P2RX7: variants seen among roughly 807,000 people sequenced by gnomAD.
P2RX7 encodes the protein purinergic receptor P2X 7, also known as P2X purinoceptor 7.
P2RX7 carries 62 observed loss-of-function variants against 71.6 expected under a neutral mutation model. The observed-to-expected ratio is 0.87, with a 90% CI of 0.71 to 1.07. P2RX7 has a LOEUF of 1.07. Among genes scored for constraint, P2RX7 ranks in the 50% least tolerant of loss-of-function variants. The pLI, the probability that P2RX7 is intolerant of heterozygous loss-of-function variation, is 0.00. For missense variants in P2RX7, 686 were observed against 748.5 expected, an observed-to-expected ratio of 0.92 and a Z score of 0.97; for synonymous variants, 299 against 283.3, an observed-to-expected ratio of 1.06 and a Z score of -0.56.
At chr12:121,142,051 G>C (rs567415651) in intron 1 of P2RX7, among the ~76,000 whole-genome samples, 1 of 152,246 alleles carries the variant, frequency 6.6e-6, no homozygotes, top group East Asian at 1.9e-4. Context: ...CATACAATAG[G>C]GGATCCCCTT....
Position 121,174,344 on chromosome 12 carries a change from G to A in P2RX7, c.882-1044G>A, listed in dbSNP as rs181055035. The stretch of plus-strand genomic sequence containing the variant: ...ATTACAGGTGTGAGCCACGGTGCCC[G>A]ACCAAAAAATTTAAAAATAAAAATT... On this transcript the variant is annotated intron_variant, in intron 8 of 12. Transcript: ENST00000328963. Among the ~76,000 whole-genome samples the A allele has an allele frequency of 4.6e-3, 693 of 151,914 alleles. 8 individuals carry two copies. Among genetic ancestry groups the A allele is most frequent in the African/African-American group, 0.016 (651 of 41,444 alleles).
At chr12:121,165,327 TAATG>T (rs1162468238) in intron 5 of P2RX7, 26 bp from the exon 6 acceptor site, 1 of 1,591,044 alleles carries the variant, frequency 6.3e-7, no homozygotes, top group Middle Eastern at 1.7e-4. Flanking sequence ...CCCCCGTCAC[TAATG>T]GCCATTTTGC....
At chr12:121,148,730 C>T (rs1372474238) in intron 1 of P2RX7, among the ~76,000 whole-genome samples, 1 of 152,202 alleles carries the variant, frequency 6.6e-6, no homozygotes, top group African/African-American at 2.4e-5. Context: ...CTTCTCAGAG[C>T]ATCTCTTGGG....
chr12:121,152,395 C>T (rs1877637821), intron 1 of P2RX7, among the ~76,000 whole-genome samples: 1 of 152,164 alleles, frequency 6.6e-6, no homozygotes, highest in East Asian at 1.9e-4. Context: ...GGGGTGCAAT[C>T]ACAGCTTACT....
intron 8 of P2RX7, among the ~76,000 whole-genome samples, chr12:121,175,087 A>G (rs1882841030): frequency 6.6e-6 from 1 of 152,084 alleles, no homozygotes; most frequent in Non-Finnish European, 1.5e-5. Context: ...AGGCAGGCAA[A>G]TCACTTGAGC....
In P2RX7 at chr12:121,160,911, C is replaced by G; in HGVS notation, c.373C>G (p.Arg125Gly). 6.2e-7 allele frequency: 1 copy of G among 1,613,414 alleles called. No homozygotes were observed. Among genetic ancestry groups the G allele is most frequent in the South Asian group, 1.1e-5 (1 of 91,078 alleles). The part of the protein sequence containing the change: ...EQRLCPEYPT[R>G]RTLCSSDRGC... ...ATCCTTCTATCTGCAGTATCCCACC[C>G]GCAGGACGCTCTGTTCCTCTGACCG... The change falls in exon 4 of 13, where the codon CGC becomes GGC. Residue 125 changes from arginine to glycine, a missense_variant. Coordinates refer to ENST00000328963, the MANE Select transcript of P2RX7 (RefSeq NM_002562.6).
chr12:121,179,022 T>C (rs1288495693), intron 11 of P2RX7, among the ~76,000 whole-genome samples: 7 of 152,104 alleles, frequency 4.6e-5, no homozygotes, highest in Non-Finnish European at 7.3e-5. Context: ...GGTGTATATA[T>C]GTACACAAAA....
Position 121,165,355 on chromosome 12 carries a change from A to G in P2RX7, c.534-2A>G, listed in dbSNP as rs778911840. 1.9e-6 allele frequency: 3 copies of G among 1,613,720 alleles called. No individual in the cohort carries two copies. The highest frequency in any genetic ancestry group is 2.5e-6 in the Non-Finnish European group (3 of 1,179,692). On this transcript the variant is annotated splice_acceptor_variant, in intron 5 of 12. Transcript: ENST00000328963. LOFTEE classifies it high-confidence loss of function. Reference sequence around the variant, plus strand: ...TGGCCATTTTGCATGTCTCTCTCCCAGGCCTGCTCTCTTGAACAGTGCCGA... The same window carrying G: ...TGGCCATTTTGCATGTCTCTCTCCCGGGCCTGCTCTCTTGAACAGTGCCGA...
At chr12:121,162,638 G>A (rs909399831) in intron 5 of P2RX7, 118 bp downstream of exon 5, 15 of 1,226,916 alleles carry the variant, frequency 1.2e-5, no homozygotes, top group Non-Finnish European at 1.6e-5. Context: ...GGTCCTACCG[G>A]CTTGGGGACC....
At chr12:121,159,245 C>T (rs1378187509) in intron 3 of P2RX7, among the ~76,000 whole-genome samples, 2 of 151,750 alleles carry the variant, frequency 1.3e-5, no homozygotes, top group Admixed American at 6.6e-5. Flanking sequence ...GGGGAAACAC[C>T]GTCTCTACTA....
chr12:121,167,636 GC>G lies in P2RX7; in HGVS notation c.881+15del, dbSNP rs1178048519. The G allele has an allele frequency of 6.5e-7, 1 of 1,534,742 alleles. No individual in the cohort carries two copies. Among genetic ancestry groups the G allele is most frequent in the Non-Finnish European group, 8.8e-7 (1 of 1,138,450 alleles). On this transcript the variant is annotated intron_variant, in intron 8 of 12. Coordinates refer to ENST00000328963, the MANE Select transcript of P2RX7 (RefSeq NM_002562.6). Reference sequence around the variant, plus strand: ...GGCTACAACTTCAGGTAACTCCAAGGCCCAGGTCAAACTCACCCAGTGGCTG... The same window carrying G: ...GGCTACAACTTCAGGTAACTCCAAGGCCAGGTCAAACTCACCCAGTGGCTG...
rs372563892 is a variant in P2RX7, at chr12:121,148,568, C to T, written c.126-6217C>T. On this transcript the variant is annotated intron_variant, in intron 1 of 12. Transcript: ENST00000328963. ...AACCCTTGATTTTTACCCTGTTTGA[C>T]TGACTTTAGGAGTCTGACCCCCAAA... Among the ~76,000 whole-genome samples, 45 of 152,212 alleles carry T rather than the reference C, an allele frequency of 3.0e-4. No homozygotes were observed. In the East Asian group the frequency reaches 5.6e-3, roughly 19 times the overall value.
At chr12:121,161,021 C>T in intron 4 of P2RX7, 47 bp downstream of exon 4, 2 of 1,428,574 alleles carry the variant, frequency 1.4e-6, no homozygotes, top group Non-Finnish European at 9.9e-7. Flanking sequence ...GATGGTCTGG[C>T]ATCTTGGTGA....
chr12:121,150,596 T>C lies in P2RX7; in HGVS notation c.126-4189T>C, dbSNP rs1877184826. ...TCTGGGTATCTTACCCCAACATCTTTCTTGAAAATCCTTCTTTTTAAATAA... is the reference window on the plus strand; with the variant it reads ...TCTGGGTATCTTACCCCAACATCTTCCTTGAAAATCCTTCTTTTTAAATAA... On this transcript the variant is annotated intron_variant, in intron 1 of 12. Transcript: ENST00000328963. 2.0e-5 allele frequency among the ~76,000 whole-genome samples: 3 copies of C among 152,222 alleles called. No homozygotes were observed. The South Asian group carries it at 6.2e-4, about 31-fold the overall frequency.
chr12:121,144,567 T>C (rs1467085020), intron 1 of P2RX7, among the ~76,000 whole-genome samples: 1 of 152,226 alleles, frequency 6.6e-6, no homozygotes, highest in Non-Finnish European at 1.5e-5. Context: ...CAAGGTCATG[T>C]AGTCAGTAAG....
Position 121,184,623 on chromosome 12 carries a change from G to C in P2RX7, c.1609G>C (p.Asp537His). 2 of 1,611,584 alleles carry C rather than the reference G, an allele frequency of 1.2e-6. No homozygotes were observed. The highest frequency in any genetic ancestry group is 1.7e-6 in the Non-Finnish European group (2 of 1,179,080). Residue 537 changes from aspartate to histidine, a missense_variant, in exon 13 of 13, where the codon GAT (aspartate) becomes CAT (histidine). Coordinates refer to ENST00000328963, the MANE Select transcript of P2RX7 (RefSeq NM_002562.6). ...LLYQEPLLALDVDSTNSRLRH... is the reference protein window; with the variant it reads ...LLYQEPLLALHVDSTNSRLRH... Reference sequence around the variant, plus strand: ...CTACCAGGAGCCCTTGCTGGCGCTGGATGTGGATTCCACCAACAGCCGGCT... The same window carrying C: ...CTACCAGGAGCCCTTGCTGGCGCTGCATGTGGATTCCACCAACAGCCGGCT...
In P2RX7 at chr12:121,162,517, C is replaced by T; in HGVS notation, c.530C>T (p.Pro177Leu). 1.2e-6 allele frequency: 2 copies of T among 1,612,502 alleles called. No homozygotes were observed. Among genetic ancestry groups the T allele is most frequent in the Non-Finnish European group, 1.7e-6 (2 of 1,179,982 alleles). Residue 177 changes from proline (P) to leucine (L), a missense_variant, in exon 5 of 13, where the codon CCC becomes CTC. Pro to Leu is a moderately conservative substitution (Grantham distance 98). Transcript: ENST00000328963. ...WCPIEAVEEA[P>L]RPALLNSAEN... ...CCCATCGAGGCAGTGGAAGAGGCCC[C>T]CCGGTGAGTCGCATGGGGAGACAGA...
At chr12:121,179,017 A>T (rs1431812582) in intron 11 of P2RX7, among the ~76,000 whole-genome samples, 1 of 152,054 alleles carries the variant, frequency 6.6e-6, no homozygotes, top group Non-Finnish European at 1.5e-5. Flanking sequence ...GTGTGGGTGT[A>T]TATATGTACA....
At chr12:121,157,939 G>A (rs933653408) in intron 3 of P2RX7, among the ~76,000 whole-genome samples, 2 of 152,184 alleles carry the variant, frequency 1.3e-5, no homozygotes, top group Non-Finnish European at 2.9e-5. Context: ...CAAATGACAT[G>A]TTACTCCTCA....
Sources: allele counts gnomAD v4.1 joint callset (sites outside exome capture counted in the v4.1 genomes callset), GRCh38; gene constraint gnomAD v4.1.1; transcripts MANE v1.5; gene names NCBI Gene and HGNC (gene_info 2026-07-23, HGNC 2026-07-21).